Variants in AK6 observed in about 807,000 individuals in gnomAD.
AK6 encodes adenylate kinase isoenzyme 6.
In AK6, 24 loss-of-function variants were observed where a neutral mutation model predicts 23.7. That is an observed-to-expected ratio of 1.01 (90% CI 0.73 to 1.43). The LOEUF (loss-of-function observed/expected upper bound fraction) is 1.43. Among genes scored for constraint, AK6 ranks in the 40% most tolerant of loss-of-function variants. AK6 has a pLI of 0.00. For synonymous variants in AK6, 73 were observed against 69.8 expected (o/e 1.05, Z -0.23); for missense variants, 191 against 199.1 (o/e 0.96, Z 0.24).
chr5:69,353,644 T>C lies in AK6; in HGVS notation c.327-1391A>G, dbSNP rs1380642166. Among the ~76,000 whole-genome samples the C allele has an allele frequency of 6.6e-5, 10 of 152,256 alleles. No homozygotes were observed. The South Asian group carries it at 1.5e-3, about 22-fold the overall frequency. On this transcript the variant is annotated intron_variant, in intron 4 of 4. Transcript: ENST00000380822. ...TGGTAATGATTGTACAACTTTTTGATATACAAAAAAACAAATGAGCAACTG... is the reference window on the plus strand; with the variant it reads ...TGGTAATGATTGTACAACTTTTTGACATACAAAAAAACAAATGAGCAACTG...
intron 2 of AK6, chr5:69,364,818 G>GT: frequency 1.2e-6 from 1 of 852,302 alleles, no homozygotes; most frequent in South Asian, 1.7e-5. Context: ...GAAAAGTATG[G>GT]TAACTGTGTT....
At chr5:69,353,103 T>C (rs1354303484) in intron 4 of AK6, among the ~76,000 whole-genome samples, 1 of 152,090 alleles carries the variant, frequency 6.6e-6, no homozygotes, top group East Asian at 1.9e-4. Context: ...ACAATATGAA[T>C]GAACCTTGAA....
chr5:69,364,619 G>A, intron 2 of AK6: 3 of 408,266 alleles, frequency 7.3e-6, no homozygotes, highest in African/African-American at 2.0e-5. Context: ...CGTTTAAGGT[G>A]ACACTCTAGT....
intron 2 of AK6, chr5:69,364,857 C>A (rs1192298681): frequency 7.1e-6 from 9 of 1,262,016 alleles, no homozygotes; most frequent in Non-Finnish European, 9.9e-6. Context: ...TTCTAAAACA[C>A]AACTTGAAAA....
chr5:69,364,417 A>C (rs1762331102), intron 2 of AK6, among the ~76,000 whole-genome samples: 1 of 152,168 alleles, frequency 6.6e-6, no homozygotes, highest in African/African-American at 2.4e-5. Flanking sequence ...AAAAGGACAG[A>C]AAAATGGGAC....
Position 69,351,924 on chromosome 5 carries a change from C to G in AK6, c.*137G>C, listed in dbSNP as rs1761958174. ...GCTTTCTCATGGAGAAAAAGAAACA[C>G]AGGCATAAACCTATATACTATCCAC... On this transcript the variant is annotated 3_prime_UTR_variant, in exon 5 of 5. Coordinates refer to ENST00000380822, the MANE Select transcript of AK6 (RefSeq NM_016283.5). 1 of 503,194 alleles carries G rather than the reference C, an allele frequency of 2.0e-6. No homozygotes were observed. The highest frequency in any genetic ancestry group is 4.2e-5 in the Admixed American group (1 of 24,086). The allele number at this position is 503,194 out of a possible 1,614,324, so 31.2% of individuals were successfully genotyped here. A position where few individuals can be genotyped will look rare whatever the true frequency, so the allele number is the denominator to read the frequency against.
At chr5:69,364,542 CT>C (rs1762335781) in intron 2 of AK6, among the ~76,000 whole-genome samples, 1 of 152,174 alleles carries the variant, frequency 6.6e-6, no homozygotes. Flanking sequence ...CTTCAGCAAT[CT>C]GAGAGAACAG....
chr5:69,355,809 T>TAA lies in AK6; in HGVS notation c.181-17_181-16dup, dbSNP rs750790715. Reference sequence around the variant, plus strand: ...TCATCAACTACCTGTAAGAAAAGTTTAAAAAAAAATGCTTCTTAAGAAAAC... The same window carrying TAA: ...TCATCAACTACCTGTAAGAAAAGTTTAAAAAAAAAAATGCTTCTTAAGAAAAC... On this transcript the variant is annotated splice_polypyrimidine_tract_variant and intron_variant, in intron 3 of 4. Coordinates refer to ENST00000380822, the MANE Select transcript of AK6 (RefSeq NM_016283.5). The TAA allele has an allele frequency of 1.3e-6, 2 of 1,586,946 alleles. No homozygotes were observed. Among genetic ancestry groups the TAA allele is most frequent in the Non-Finnish European group, 1.7e-6 (2 of 1,168,860 alleles).
intron 2 of AK6, 168 bp from the exon 3 acceptor site, chr5:69,356,121 C>T (rs2150730849): frequency 5.2e-6 from 1 of 192,548 alleles, no homozygotes. Context: ...ATAAAGGAGC[C>T]ATACTAACTG....
chr5:69,353,189 T>C (rs890584246), intron 4 of AK6, among the ~76,000 whole-genome samples: 13 of 152,292 alleles, frequency 8.5e-5, no homozygotes, highest in Admixed American at 4.6e-4. Flanking sequence ...ATATCTAGTA[T>C]AGACAAATCC....
At chr5:69,367,634 C>G (rs564022328) in intron 1 of AK6, among the ~76,000 whole-genome samples, 1 of 152,010 alleles carries the variant, frequency 6.6e-6, no homozygotes, top group Non-Finnish European at 1.5e-5. Flanking sequence ...CTCACTAGAG[C>G]CTTTACCTCC....
intron 2 of AK6, among the ~76,000 whole-genome samples, chr5:69,357,919 G>C (rs954189066): frequency 6.6e-6 from 1 of 151,940 alleles, no homozygotes; most frequent in Non-Finnish European, 1.5e-5. Flanking sequence ...ATAAGTATTA[G>C]AGTTATAGTA....
At chr5:69,368,376 C>T (rs563165702) in intron 1 of AK6, among the ~76,000 whole-genome samples, 1 of 152,168 alleles carries the variant, frequency 6.6e-6, no homozygotes, top group Non-Finnish European at 1.5e-5. Context: ...TTCCCATACC[C>T]AGGAGAATAA....
intron 4 of AK6, chr5:69,355,354 G>A (rs1278039239): frequency 1.0e-5 from 3 of 285,754 alleles, no homozygotes; most frequent in Admixed American, 9.8e-5. Context: ...GGCAACATGG[G>A]AGACCCCATC....
chr5:69,352,366 G>A (rs1580298934), intron 4 of AK6, 113 bp from the exon 5 acceptor site: 1 of 782,088 alleles, frequency 1.3e-6, no homozygotes, highest in East Asian at 2.6e-5. Flanking sequence ...TTACAGAAAT[G>A]GTCTCTTCAC....
chr5:69,362,022 TCA>T, intron 2 of AK6, among the ~76,000 whole-genome samples: 1 of 145,024 alleles, frequency 6.9e-6, no homozygotes, highest in African/African-American at 2.5e-5. Flanking sequence ...ATGACCTCTC[TCA>T]ACTACTACTG....
At chr5:69,369,400 G>A in intron 1 of AK6, 63 bp downstream of exon 1, 2 of 1,583,846 alleles carry the variant, frequency 1.3e-6, no homozygotes, top group African/African-American at 1.4e-5. Flanking sequence ...GGCGCCCGAT[G>A]CCCAGAGCAC....
intron 2 of AK6, among the ~76,000 whole-genome samples, chr5:69,363,933 T>C (rs1458435376): frequency 1.3e-5 from 2 of 151,096 alleles, no homozygotes; most frequent in Non-Finnish European, 3.0e-5. Flanking sequence ...ACTAAAAATA[T>C]AAAAATTAGC....
chr5:69,360,432 C>T (rs1302023668), intron 2 of AK6, among the ~76,000 whole-genome samples: 6 of 152,130 alleles, frequency 3.9e-5, no homozygotes, highest in Non-Finnish European at 8.8e-5. Flanking sequence ...TTTCAGAGCA[C>T]GTGCTTTAAA....
Sources: allele counts gnomAD v4.1 joint callset (sites outside exome capture counted in the v4.1 genomes callset), GRCh38; gene constraint gnomAD v4.1.1; transcripts MANE v1.5; gene names NCBI Gene and HGNC (gene_info 2026-07-23, HGNC 2026-07-21).